The following CCSER1 variants were observed in gnomAD, a reference collection of about 807,000 sequenced individuals.
The protein encoded by CCSER1 is serine-rich coiled-coil domain-containing protein 1.
CCSER1 carries 41 observed loss-of-function variants against 82.0 expected under a neutral mutation model. That is an observed-to-expected ratio of 0.50 (90% CI 0.39 to 0.65). The LOEUF (loss-of-function observed/expected upper bound fraction) is 0.65. Ranked by LOEUF, CCSER1 falls within the 30% of genes least tolerant of loss-of-function variation. The pLI, the probability that CCSER1 is intolerant of heterozygous loss-of-function variation, is 0.00. For missense variants in CCSER1, 1,119 were observed against 1,064.2 expected, an observed-to-expected ratio of 1.05 and a Z score of -0.72; for synonymous variants, 414 against 383.9, an observed-to-expected ratio of 1.08 and a Z score of -0.92.
chr4:90,828,827 T>C (rs1328732697), intron 8 of CCSER1, among the ~76,000 whole-genome samples: 4 of 152,164 alleles, frequency 2.6e-5, no homozygotes, highest in African/African-American at 9.7e-5. Context: ...ATATCGTATT[T>C]TTTGCTCTTA....
At chr4:90,605,903 G>GT (rs2148788138) in intron 5 of CCSER1, among the ~76,000 whole-genome samples, 1 of 149,952 alleles carries the variant, frequency 6.7e-6, no homozygotes, top group South Asian at 2.1e-4. Context: ...TAGTGCTTAA[G>GT]TTTATTAGAA....
chr4:91,383,107 A>C (rs921415825), intron 10 of CCSER1, among the ~76,000 whole-genome samples: 1 of 152,066 alleles, frequency 6.6e-6, no homozygotes, highest in African/African-American at 2.4e-5. Flanking sequence ...TAACTTTTAC[A>C]TTCACTGGAA....
Position 90,336,289 on chromosome 4 carries a change from G to A in CCSER1, c.1509+23242G>A, listed in dbSNP as rs1740376032. ...AATAGTAGATTTATTTATTTTGGTG[G>A]TATAGATTTAGTTAAAGAGTTATCC... On this transcript the variant is annotated intron_variant, in intron 3 of 10. Transcript: ENST00000509176. 2.6e-5 allele frequency among the ~76,000 whole-genome samples: 4 copies of A among 152,168 alleles called. No homozygotes were observed. The South Asian group carries it at 6.2e-4, about 24-fold the overall frequency.
chr4:91,375,950 A>AT (rs1750379969), intron 10 of CCSER1, among the ~76,000 whole-genome samples: 1 of 152,110 alleles, frequency 6.6e-6, no homozygotes, highest in South Asian at 2.1e-4. Context: ...ATCAGAATAA[A>AT]TTCCAAACAA....
At chr4:91,250,959 A>G (rs1740207067) in intron 10 of CCSER1, among the ~76,000 whole-genome samples, 1 of 152,208 alleles carries the variant, frequency 6.6e-6, no homozygotes, top group South Asian at 2.1e-4. Context: ...CAATAGTGAC[A>G]TAGAGAATGA....
intron 10 of CCSER1, among the ~76,000 whole-genome samples, chr4:91,376,782 A>G (rs1227571484): frequency 6.6e-6 from 1 of 152,160 alleles, no homozygotes; most frequent in African/African-American, 2.4e-5. Context: ...CTATACTTTA[A>G]GTTCTAGGGT....
intron 10 of CCSER1, among the ~76,000 whole-genome samples, chr4:91,159,463 A>G (rs1731157478): frequency 6.6e-6 from 1 of 152,018 alleles, no homozygotes; most frequent in African/African-American, 2.4e-5. Context: ...AGATGGCATT[A>G]TGTCTGTTAG....
intron 1 of CCSER1, among the ~76,000 whole-genome samples, chr4:90,240,421 C>T (rs1746625062): frequency 6.6e-6 from 1 of 152,136 alleles, no homozygotes; most frequent in Non-Finnish European, 1.5e-5. Flanking sequence ...CGTTCTTATA[C>T]CCTGCATGGC....
intron 1 of CCSER1, among the ~76,000 whole-genome samples, chr4:90,300,831 G>T (rs1199290732): frequency 6.6e-6 from 1 of 151,866 alleles, no homozygotes; most frequent in East Asian, 1.9e-4. Flanking sequence ...AAAAGAAAGA[G>T]TATTTGTTTT....
At chr4:91,332,547 A>G (rs1038182517) in intron 10 of CCSER1, among the ~76,000 whole-genome samples, 6 of 151,756 alleles carry the variant, frequency 4.0e-5, no homozygotes, top group Admixed American at 6.6e-5. Flanking sequence ...CAATAGATAC[A>G]TATAATAAAT....
chr4:90,518,527 A>G (rs1407409961), intron 5 of CCSER1, among the ~76,000 whole-genome samples: 1 of 152,068 alleles, frequency 6.6e-6, no homozygotes, highest in Non-Finnish European at 1.5e-5. Flanking sequence ...AAGTGTCCAT[A>G]ATGATCAGTG....
At chr4:91,434,333 C>T (rs895762549) in intron 10 of CCSER1, among the ~76,000 whole-genome samples, 11 of 151,926 alleles carry the variant, frequency 7.2e-5, no homozygotes, top group Admixed American at 2.0e-4. Context: ...GGCGTAGCAA[C>T]TCAATAGGCA....
chr4:90,130,305 C>T (rs1408171689), intron 1 of CCSER1, among the ~76,000 whole-genome samples: 3 of 152,078 alleles, frequency 2.0e-5, no homozygotes, highest in Admixed American at 6.5e-5. Context: ...GTTAACAACC[C>T]GTAACAATAA....
At chr4:90,834,093 G>A (rs1346034655) in intron 8 of CCSER1, among the ~76,000 whole-genome samples, 1 of 152,096 alleles carries the variant, frequency 6.6e-6, no homozygotes, top group Non-Finnish European at 1.5e-5. Context: ...ACAGAAAATG[G>A]ACTAAGAGAA....
chr4:90,223,258 TA>T (rs1742504985), intron 1 of CCSER1, among the ~76,000 whole-genome samples: 1 of 152,252 alleles, frequency 6.6e-6, no homozygotes, highest in East Asian at 1.9e-4. Context: ...AATTGATATG[TA>T]TTTTTTTCAC....
chr4:90,594,424 C>T (rs189318976), intron 5 of CCSER1, among the ~76,000 whole-genome samples: 2 of 152,062 alleles, frequency 1.3e-5, no homozygotes, highest in Admixed American at 6.6e-5. Flanking sequence ...TTTAACTAGC[C>T]CTGTGTGATT....
At chr4:90,346,020 C>T (rs1053397646) in intron 3 of CCSER1, among the ~76,000 whole-genome samples, 1 of 151,966 alleles carries the variant, frequency 6.6e-6, no homozygotes, top group Non-Finnish European at 1.5e-5. Context: ...TCTTTCCTTC[C>T]TTAATTTATG....
intron 8 of CCSER1, among the ~76,000 whole-genome samples, chr4:90,869,669 A>G (rs558425995): frequency 6.6e-6 from 1 of 151,006 alleles, no homozygotes; most frequent in East Asian, 2.0e-4. Flanking sequence ...TTTGCTCAGG[A>G]TGGCTTTGGC....
chr4:90,192,148 T>C (rs1735747195), intron 1 of CCSER1, among the ~76,000 whole-genome samples: 1 of 152,020 alleles, frequency 6.6e-6, no homozygotes, highest in Non-Finnish European at 1.5e-5. Flanking sequence ...CTCAGAATCA[T>C]GGTGGAAGTC....
Sources: allele counts gnomAD v4.1 joint callset (sites outside exome capture counted in the v4.1 genomes callset), GRCh38; gene constraint gnomAD v4.1.1; transcripts MANE v1.5; gene names NCBI Gene and HGNC (gene_info 2026-07-23, HGNC 2026-07-21).